Variants in ETV6 observed in about 807,000 individuals in gnomAD.
The protein encoded by ETV6 is ETS variant transcription factor 6, also known as transcription factor ETV6.
ETV6 carries 16 observed loss-of-function variants against 51.1 expected under a neutral mutation model. The ratio of observed to expected loss-of-function variants is 0.31; its 90% CI spans 0.21 to 0.48. The LOEUF is 0.48. ETV6 is among the 20% of genes least tolerant of loss of function. ETV6 has a pLI of 0.99. For missense variants in ETV6, 458 were observed against 594.8 expected (o/e 0.77, Z 2.39); for synonymous variants, 240 against 224.1 (o/e 1.07, Z -0.64).
At chr12:11,833,374 A>T (rs1048175582) in intron 2 of ETV6, among the ~76,000 whole-genome samples, 3 of 152,248 alleles carry the variant, frequency 2.0e-5, no homozygotes, top group Non-Finnish European at 4.4e-5. Context: ...AGCAAGACAC[A>T]GAGAGGTTAA....
intron 2 of ETV6, among the ~76,000 whole-genome samples, chr12:11,803,351 T>C (rs755062731): frequency 7.9e-5 from 12 of 152,128 alleles, no homozygotes; most frequent in Non-Finnish European, 1.2e-4. Flanking sequence ...TCCTAGAAAA[T>C]AGAGACCATA....
At chr12:11,871,949 G>A (rs1946886975) in intron 5 of ETV6, among the ~76,000 whole-genome samples, 1 of 152,228 alleles carries the variant, frequency 6.6e-6, no homozygotes. Context: ...AATTGGAGAA[G>A]GAGGATGAGG....
intron 1 of ETV6, among the ~76,000 whole-genome samples, chr12:11,710,249 A>G (rs1373192760): frequency 3.3e-5 from 5 of 151,312 alleles, no homozygotes; most frequent in Non-Finnish European, 5.9e-5. Context: ...AGAGACCGTT[A>G]TTCCCTCCCC....
chr12:11,882,848 C>G (rs1424574868), intron 5 of ETV6, among the ~76,000 whole-genome samples: 1 of 152,240 alleles, frequency 6.6e-6, no homozygotes, highest in Non-Finnish European at 1.5e-5. Flanking sequence ...CAAGTCTCAA[C>G]TGGACACTCC....
intron 1 of ETV6, among the ~76,000 whole-genome samples, chr12:11,745,508 C>CT (rs980400265): frequency 5.3e-5 from 8 of 152,118 alleles, no homozygotes; most frequent in African/African-American, 1.9e-4. Flanking sequence ...GATTTTAAAT[C>CT]TTTTTTCCCC....
chr12:11,718,226 C>T (rs888821857), intron 1 of ETV6, among the ~76,000 whole-genome samples: 4 of 152,150 alleles, frequency 2.6e-5, no homozygotes, highest in African/African-American at 9.7e-5. Flanking sequence ...GTTCCAGGAA[C>T]CCTGGGCTCC....
intron 2 of ETV6, among the ~76,000 whole-genome samples, chr12:11,817,280 G>A (rs1463848120): frequency 6.6e-6 from 1 of 152,176 alleles, no homozygotes; most frequent in Non-Finnish European, 1.5e-5. Flanking sequence ...GCCCTTAGAT[G>A]CCAGAAGTTA....
intron 2 of ETV6, among the ~76,000 whole-genome samples, chr12:11,828,413 C>A (rs7966531): frequency 2.0e-5 from 3 of 152,224 alleles, no homozygotes; most frequent in Non-Finnish European, 4.4e-5. Context: ...ACCCCCACTT[C>A]TAAGTGAGAA....
At chr12:11,849,174 G>A (rs974165532) in intron 3 of ETV6, among the ~76,000 whole-genome samples, 1 of 152,108 alleles carries the variant, frequency 6.6e-6, no homozygotes, top group Non-Finnish European at 1.5e-5. Flanking sequence ...GCAGTGATGT[G>A]ATCACAGCTC....
At chr12:11,776,498 G>A (rs1431015519) in intron 2 of ETV6, among the ~76,000 whole-genome samples, 3 of 151,912 alleles carry the variant, frequency 2.0e-5, no homozygotes, top group African/African-American at 7.3e-5. Context: ...TCCTGCTGTG[G>A]CCGCCCAAAG....
chr12:11,772,725 A>C (rs1474204187), intron 2 of ETV6, among the ~76,000 whole-genome samples: 3 of 152,220 alleles, frequency 2.0e-5, no homozygotes, highest in Non-Finnish European at 4.4e-5. Flanking sequence ...AAGAACAACT[A>C]AGAATGGTAA....
chr12:11,867,953 C>T (rs111326488), intron 4 of ETV6, among the ~76,000 whole-genome samples: 3 of 152,252 alleles, frequency 2.0e-5, no homozygotes, highest in South Asian at 2.1e-4. Context: ...GTCCATTCCC[C>T]GACCCAGCCC....
intron 6 of ETV6, among the ~76,000 whole-genome samples, chr12:11,885,106 A>G (rs1336851969): frequency 6.6e-6 from 1 of 152,220 alleles, no homozygotes; most frequent in South Asian, 2.1e-4. Context: ...AGGGAATGGA[A>G]TTGAATAAAG....
intron 2 of ETV6, among the ~76,000 whole-genome samples, chr12:11,793,667 A>C (rs764221237): frequency 6.6e-6 from 1 of 152,132 alleles, no homozygotes; most frequent in Non-Finnish European, 1.5e-5. Context: ...CTCTTAGTAT[A>C]TGTGCTCTGT....
chr12:11,669,719 G>A (rs1483965242), intron 1 of ETV6, among the ~76,000 whole-genome samples: 1 of 152,060 alleles, frequency 6.6e-6, no homozygotes, highest in African/African-American at 2.4e-5. Context: ...TACCATTCAT[G>A]TTCTGTTCAT....
At chr12:11,827,715 A>G (rs1946179156) in intron 2 of ETV6, among the ~76,000 whole-genome samples, 1 of 152,180 alleles carries the variant, frequency 6.6e-6, no homozygotes, top group African/African-American at 2.4e-5. Context: ...AGCCTCCTCC[A>G]TGCAAGTGAC....
intron 1 of ETV6, chr12:11,751,956 T>C (rs527575371): frequency 2.7e-6 from 1 of 375,304 alleles, no homozygotes; most frequent in South Asian, 2.1e-5. Flanking sequence ...AACTTATCTT[T>C]GAAGCTGTCA....
intron 3 of ETV6, among the ~76,000 whole-genome samples, chr12:11,839,962 A>G (rs184745660): frequency 6.6e-6 from 1 of 152,330 alleles, no homozygotes; most frequent in East Asian, 1.9e-4. Flanking sequence ...GAACTGCTCA[A>G]CCGAAAACAA....
chr12:11,787,556 C>G (rs1213005384), intron 2 of ETV6, among the ~76,000 whole-genome samples: 1 of 151,976 alleles, frequency 6.6e-6, no homozygotes, highest in Non-Finnish European at 1.5e-5. Flanking sequence ...GAGTACTGCT[C>G]TAGAGTAAGA....
Sources: allele counts gnomAD v4.1 joint callset (sites outside exome capture counted in the v4.1 genomes callset), GRCh38; gene constraint gnomAD v4.1.1; transcripts MANE v1.5; gene names NCBI Gene and HGNC (gene_info 2026-07-23, HGNC 2026-07-21).